The following LINGO2 variants were observed in gnomAD, a reference collection of about 807,000 sequenced individuals.
The protein encoded by LINGO2 is leucine rich repeat and Ig domain containing 2, also known as leucine-rich repeat and immunoglobulin-like domain-containing nogo receptor-interacting protein 2.
A neutral mutation model predicts 30.6 loss-of-function variants in LINGO2; 14 were observed. The observed-to-expected ratio is 0.46, with a 90% confidence interval of 0.30 to 0.72. The LOEUF (loss-of-function observed/expected upper bound fraction) is 0.72. LINGO2 is among the 30% of genes least tolerant of loss of function. LINGO2 has a pLI of 0.07. For missense variants in LINGO2, 729 were observed against 751.7 expected, an observed-to-expected ratio of 0.97 and a Z score of 0.35; for synonymous variants, 317 against 288.5, an observed-to-expected ratio of 1.10 and a Z score of -1.00.
At chr9:28,739,763 A>C in the LINGO2 span, among the ~76,000 whole-genome samples, 3 of 151,660 alleles carry the variant, frequency 2.0e-5, no homozygotes, top group Non-Finnish European at 4.4e-5. Context: ...GCTTTATGAC[A>C]GTACAATACT....
chr9:28,351,725 G>C (rs1394028073), intron 3 of LINGO2, among the ~76,000 whole-genome samples: 2 of 152,018 alleles, frequency 1.3e-5, no homozygotes, highest in Non-Finnish European at 2.9e-5. Context: ...CAATATCCTT[G>C]ATGAACATTG....
At chr9:28,071,198 CT>C (rs1186545011) in intron 4 of LINGO2, among the ~76,000 whole-genome samples, 1 of 152,052 alleles carries the variant, frequency 6.6e-6, no homozygotes, top group African/African-American at 2.4e-5. Flanking sequence ...CTATTGGTGC[CT>C]TGGGGTTGAG....
At chr9:28,190,308 C>T (rs1444728070) in intron 4 of LINGO2, among the ~76,000 whole-genome samples, 1 of 152,072 alleles carries the variant, frequency 6.6e-6, no homozygotes, top group African/African-American at 2.4e-5. Context: ...CAGAGTTGCA[C>T]AGTATTTTAC....
intron 4 of LINGO2, among the ~76,000 whole-genome samples, chr9:28,067,137 T>A (rs1383966340): frequency 6.6e-6 from 1 of 152,140 alleles, no homozygotes; most frequent in Admixed American, 6.6e-5. Context: ...ACATACCTTT[T>A]ATATTTACAA....
intron 5 of LINGO2, among the ~76,000 whole-genome samples, chr9:27,999,679 T>C (rs927753298): frequency 6.6e-6 from 1 of 152,230 alleles, no homozygotes; most frequent in South Asian, 2.1e-4. Context: ...ATTAGTGATA[T>C]CCATTATCAT....
At chr9:28,545,940 C>T (rs1480278725) in intron 1 of LINGO2, among the ~76,000 whole-genome samples, 1 of 152,012 alleles carries the variant, frequency 6.6e-6, no homozygotes, top group Admixed American at 6.6e-5. Context: ...CAACATTATA[C>T]CATACAGTTT....
the LINGO2 span, among the ~76,000 whole-genome samples, chr9:28,975,486 G>T: frequency 6.6e-6 from 1 of 152,140 alleles, no homozygotes. Flanking sequence ...ACTTGCCAGT[G>T]CCTAGTGCCA....
intron 1 of LINGO2, among the ~76,000 whole-genome samples, chr9:28,488,358 G>T (rs1826255817): frequency 6.6e-6 from 1 of 152,004 alleles, no homozygotes; most frequent in African/African-American, 2.4e-5. Context: ...CTGACCCAAG[G>T]AACTGAAATA....
chr9:28,180,160 G>T (rs1313779855), intron 4 of LINGO2, among the ~76,000 whole-genome samples: 1 of 152,096 alleles, frequency 6.6e-6, no homozygotes, highest in Non-Finnish European at 1.5e-5. Flanking sequence ...GTAAACCATA[G>T]CAAGAAAGCA....
At chr9:27,957,284 C>T (rs1463553784) in intron 5 of LINGO2, among the ~76,000 whole-genome samples, 4 of 151,910 alleles carry the variant, frequency 2.6e-5, no homozygotes, top group Non-Finnish European at 4.4e-5. Flanking sequence ...GTCTTGGTTA[C>T]TGTAGCTTTT....
At chr9:28,031,953 G>GT (rs1324444749) in intron 4 of LINGO2, among the ~76,000 whole-genome samples, 4 of 150,476 alleles carry the variant, frequency 2.7e-5, no homozygotes, top group Non-Finnish European at 4.4e-5. Context: ...CAGGCAGGCA[G>GT]TACCTATTAA....
the LINGO2 span, among the ~76,000 whole-genome samples, chr9:29,041,713 A>G: frequency 6.6e-6 from 1 of 152,104 alleles, no homozygotes; most frequent in Admixed American, 6.6e-5. Context: ...TAGCAAAAAC[A>G]TAGAAGAACA....
the LINGO2 span, among the ~76,000 whole-genome samples, chr9:28,839,039 C>T: frequency 1.3e-5 from 2 of 152,198 alleles, no homozygotes; most frequent in Non-Finnish European, 2.9e-5. Flanking sequence ...GAGGTGGCGC[C>T]TGGAAACTTG....
chr9:28,660,353 T>G (rs1370221847), intron 1 of LINGO2, among the ~76,000 whole-genome samples: 1 of 151,866 alleles, frequency 6.6e-6, no homozygotes, highest in Non-Finnish European at 1.5e-5. Flanking sequence ...ATAAAAGGGA[T>G]TAGATAAATA....
chr9:28,165,113 A>C (rs1287166799), intron 4 of LINGO2, among the ~76,000 whole-genome samples: 1 of 152,134 alleles, frequency 6.6e-6, no homozygotes, highest in Non-Finnish European at 1.5e-5. Context: ...CAGACCTCTT[A>C]ATCTTTCATT....
At chr9:28,631,982 G>A (rs939064597) in intron 1 of LINGO2, among the ~76,000 whole-genome samples, 2 of 152,088 alleles carry the variant, frequency 1.3e-5, no homozygotes, top group African/African-American at 4.8e-5. Context: ...AAAGATCATA[G>A]GTTTGGTAAA....
In LINGO2 at chr9:28,589,532, C is replaced by G. The variant is rs547314812; in HGVS notation, c.-365+80668G>C. Among the ~76,000 whole-genome samples, 21 of 152,040 alleles carry G rather than the reference C, an allele frequency of 1.4e-4. No individual in the cohort carries two copies. The Middle Eastern group carries it at 0.01, about 74-fold the overall frequency. On this transcript the variant is annotated intron_variant, in intron 1 of 5. Transcript: ENST00000379992. ...ACAGACAAACAGAGAGCCAAATCAT[C>G]AGTGAACTCCCATTCACAATTGCTT...
chr9:28,393,705 C>T (rs1821927387), intron 2 of LINGO2, among the ~76,000 whole-genome samples: 1 of 152,146 alleles, frequency 6.6e-6, no homozygotes, highest in South Asian at 2.1e-4. Flanking sequence ...GAGGAAAACA[C>T]CAGCCTGACT....
the LINGO2 span, among the ~76,000 whole-genome samples, chr9:28,791,581 T>C: frequency 1.3e-5 from 2 of 152,048 alleles, no homozygotes; most frequent in African/African-American, 4.8e-5. Context: ...TTGAATATAC[T>C]TGAATATATC....
Sources: gnomAD v4.1 joint callset for allele counts (sites outside exome capture counted in the v4.1 genomes callset) on GRCh38, gnomAD v4.1.1 for gene constraint, MANE v1.5 for transcripts, NCBI Gene and HGNC (gene_info 2026-07-23, HGNC 2026-07-21) for gene names.